DCLK1: variants seen among roughly 807,000 people sequenced by gnomAD.
The protein encoded by DCLK1 is doublecortin like kinase 1.
A neutral mutation model predicts 86.2 loss-of-function variants in DCLK1; 16 were observed. That is an observed-to-expected ratio of 0.19 (90% CI 0.13 to 0.28). The LOEUF is 0.28. Ranked by LOEUF, DCLK1 falls within the 10% of genes least tolerant of loss-of-function variation. DCLK1 has a pLI of 1.00. For missense variants in DCLK1, 590 were observed against 940.2 expected, an observed-to-expected ratio of 0.63 and a Z score of 4.87; for synonymous variants, 369 against 370.5, an observed-to-expected ratio of 1.00 and a Z score of 0.05.
intron 16 of DCLK1, among the ~76,000 whole-genome samples, chr13:35,789,147 C>T (rs928567288): frequency 6.6e-6 from 1 of 152,114 alleles, no homozygotes; most frequent in African/African-American, 2.4e-5. Context: ...GCTGTGTACC[C>T]GCTTCCCCAT....
chr13:36,014,133 G>C (rs552619273), intron 3 of DCLK1, among the ~76,000 whole-genome samples: 15 of 152,110 alleles, frequency 9.9e-5, no homozygotes, highest in African/African-American at 3.6e-4. Flanking sequence ...AGATGAACCC[G>C]GTACCTCAGA....
chr13:35,971,700 T>C (rs1455187425), intron 3 of DCLK1, among the ~76,000 whole-genome samples: 7 of 151,964 alleles, frequency 4.6e-5, no homozygotes, highest in Admixed American at 4.6e-4. Context: ...GAGGCAGATG[T>C]TGCAGTGAGC....
intron 3 of DCLK1, among the ~76,000 whole-genome samples, chr13:36,022,989 A>G (rs111587828): frequency 1.6e-4 from 25 of 152,320 alleles, no homozygotes; most frequent in African/African-American, 5.5e-4. Flanking sequence ...CATAGATACA[A>G]CAATGCTGAA....
intron 1 of DCLK1, among the ~76,000 whole-genome samples, chr13:36,127,301 AAAAG>A (rs1296217430): frequency 1.3e-5 from 2 of 152,236 alleles, no homozygotes; most frequent in Non-Finnish European, 2.9e-5. Context: ...AAAAAGAAGA[AAAAG>A]GAAGAGAAGG....
At chr13:36,016,301 T>C (rs1049870198) in intron 3 of DCLK1, among the ~76,000 whole-genome samples, 1 of 152,190 alleles carries the variant, frequency 6.6e-6, no homozygotes, top group Admixed American at 6.5e-5. Context: ...ATATTTGTAT[T>C]AGCCATATTT....
intron 4 of DCLK1, among the ~76,000 whole-genome samples, chr13:35,925,852 T>A (rs1043668877): frequency 6.6e-6 from 1 of 152,184 alleles, no homozygotes; most frequent in Admixed American, 6.5e-5. Flanking sequence ...AGCAAGGAGA[T>A]ACCACAGAAA....
At chr13:36,031,400 A>C (rs1882265701) in intron 3 of DCLK1, among the ~76,000 whole-genome samples, 1 of 151,976 alleles carries the variant, frequency 6.6e-6, no homozygotes, top group Non-Finnish European at 1.5e-5. Context: ...TGAACTCTGC[A>C]GTGGTAATGG....
At chr13:35,967,179 G>A (rs954403087) in intron 3 of DCLK1, among the ~76,000 whole-genome samples, 4 of 147,894 alleles carry the variant, frequency 2.7e-5, no homozygotes, top group Admixed American at 1.3e-4. Context: ...GGTGAGGAGC[G>A]TCTCTGACTG....
At chr13:35,842,145 C>T (rs1162767951) in intron 6 of DCLK1, among the ~76,000 whole-genome samples, 3 of 132,160 alleles carry the variant, frequency 2.3e-5, no homozygotes, top group Non-Finnish European at 4.6e-5. Flanking sequence ...AGGAGAATGG[C>T]GTGAATCCAG....
At chr13:35,863,029 C>A (rs1449983736) in intron 5 of DCLK1, among the ~76,000 whole-genome samples, 1 of 152,162 alleles carries the variant, frequency 6.6e-6, no homozygotes, top group African/African-American at 2.4e-5. Context: ...TTGAGATGTG[C>A]AAATGCTTAT....
At chr13:35,792,247 A>T (rs1035253853) in intron 16 of DCLK1, among the ~76,000 whole-genome samples, 1 of 152,230 alleles carries the variant, frequency 6.6e-6, no homozygotes, top group Non-Finnish European at 1.5e-5. Context: ...AAATGCAAAC[A>T]GTACGAGGGT....
At chr13:35,909,092 G>T (rs1874849308) in intron 4 of DCLK1, among the ~76,000 whole-genome samples, 1 of 152,236 alleles carries the variant, frequency 6.6e-6, no homozygotes, top group African/African-American at 2.4e-5. Flanking sequence ...AGCACGCTCA[G>T]TAGGTATGTT....
intron 3 of DCLK1, among the ~76,000 whole-genome samples, chr13:35,979,913 A>C (rs996598486): frequency 6.6e-6 from 1 of 152,204 alleles, no homozygotes; most frequent in African/African-American, 2.4e-5. Context: ...TGGGAAAAAC[A>C]TATTACAACT....
intron 3 of DCLK1, among the ~76,000 whole-genome samples, chr13:36,070,745 G>A (rs1009783213): frequency 2.0e-5 from 3 of 151,974 alleles, no homozygotes; most frequent in South Asian, 2.1e-4. Flanking sequence ...GGGTTCAAGC[G>A]ATTCTCTTGC....
At chr13:35,917,886 C>G (rs1875528128) in intron 4 of DCLK1, among the ~76,000 whole-genome samples, 1 of 152,122 alleles carries the variant, frequency 6.6e-6, no homozygotes, top group South Asian at 2.1e-4. Context: ...TGGCCTGACA[C>G]ACATTTCAGA....
intron 3 of DCLK1, among the ~76,000 whole-genome samples, chr13:36,044,834 A>C (rs142091767): frequency 8.5e-4 from 129 of 152,254 alleles, no homozygotes; most frequent in African/African-American, 2.8e-3. Flanking sequence ...ATATTTTTTT[A>C]AGAAACGTGG....
Position 35,793,599 on chromosome 13 carries a change from C to G in DCLK1, c.1945-120G>C, listed in dbSNP as rs2086747240. 7 of 677,770 alleles carry G rather than the reference C, an allele frequency of 1.0e-5. No individual in the cohort carries two copies. The South Asian group carries it at 1.5e-4, about 15-fold the overall frequency. The allele number at this position is 677,770 out of a possible 1,614,324, so 42.0% of individuals were successfully genotyped here. ...GAATTCATAAGATGTCAGAAATAAA[C>G]CAACCAATGTCTACTCATTAAACAC... On this transcript the variant is annotated intron_variant, in intron 15 of 16. Transcript: ENST00000360631.
chr13:36,000,313 T>C (rs912708325), intron 3 of DCLK1, among the ~76,000 whole-genome samples: 6 of 152,152 alleles, frequency 3.9e-5, no homozygotes, highest in African/African-American at 1.4e-4. Flanking sequence ...CCAAGTCAGC[T>C]ATCTTTGGAT....
intron 1 of DCLK1, among the ~76,000 whole-genome samples, chr13:36,130,554 T>A (rs1254963269): frequency 6.6e-6 from 1 of 152,072 alleles, no homozygotes; most frequent in African/African-American, 2.4e-5. Flanking sequence ...AGGTACTAAT[T>A]TGAACATGAG....
Sources: gnomAD v4.1 joint callset for allele counts (sites outside exome capture counted in the v4.1 genomes callset) on GRCh38, gnomAD v4.1.1 for gene constraint, MANE v1.5 for transcripts, NCBI Gene and HGNC (gene_info 2026-07-23, HGNC 2026-07-21) for gene names.